EIF2B3: variants seen among roughly 807,000 people sequenced by gnomAD.
EIF2B3 encodes the protein eukaryotic translation initiation factor 2B subunit gamma, also known as translation initiation factor eIF2B subunit gamma.
Under a neutral mutation model 54.1 loss-of-function variants are expected in EIF2B3, and 20 were observed. That is an observed-to-expected ratio of 0.37 (90% CI 0.26 to 0.54). The LOEUF is 0.54. Among genes scored for constraint, EIF2B3 ranks in the 20% least tolerant of loss-of-function variants. The probability of loss-of-function intolerance (pLI) is 0.86; values close to 1 mark genes in which losing one functional copy is unlikely to be tolerated. For missense variants in EIF2B3, 448 were observed against 547.8 expected, an observed-to-expected ratio of 0.82 and a Z score of 1.82; for synonymous variants, 153 against 188.1, an observed-to-expected ratio of 0.81 and a Z score of 1.52.
intron 10 of EIF2B3, among the ~76,000 whole-genome samples, chr1:44,873,168 A>C (rs1420014493): frequency 6.6e-6 from 1 of 152,208 alleles, no homozygotes; most frequent in African/African-American, 2.4e-5. Flanking sequence ...GCGTACCACA[A>C]AACTCTGGAT....
In EIF2B3 at chr1:44,941,682, G is replaced by T; in HGVS notation, c.295-17C>A. Reference sequence around the variant, plus strand: ...CACATCTGTCTGTTAAATGGAGATGGGAAAAGTCAATATCATAAAGGACAA... The same window carrying T: ...CACATCTGTCTGTTAAATGGAGATGTGAAAAGTCAATATCATAAAGGACAA... On this transcript the variant is annotated splice_polypyrimidine_tract_variant and intron_variant, in intron 3 of 11. Transcript: ENST00000360403. The T allele has an allele frequency of 6.2e-7, 1 of 1,613,906 alleles. No homozygotes were observed. The highest frequency in any genetic ancestry group is 8.5e-7 in the Non-Finnish European group (1 of 1,179,962).
intron 6 of EIF2B3, among the ~76,000 whole-genome samples, chr1:44,894,337 C>T (rs1315057819): frequency 2.0e-5 from 3 of 152,148 alleles, no homozygotes; most frequent in African/African-American, 4.8e-5. Flanking sequence ...AAAGAGAGTA[C>T]AGATTTTCTT....
intron 6 of EIF2B3, among the ~76,000 whole-genome samples, chr1:44,885,232 G>A (rs918442623): frequency 6.6e-5 from 10 of 151,982 alleles, no homozygotes; most frequent in African/African-American, 2.4e-4. Flanking sequence ...TTGACTACTA[G>A]CAAACAATCC....
chr1:44,911,773 T>G (rs988746395), intron 5 of EIF2B3, among the ~76,000 whole-genome samples: 5 of 152,014 alleles, frequency 3.3e-5, no homozygotes, highest in African/African-American at 1.2e-4. Flanking sequence ...TAGTTACATA[T>G]GTATACATGT....
At chr1:44,958,949 C>T (rs574440052) in intron 3 of EIF2B3, 7 of 779,890 alleles carry the variant, frequency 9.0e-6, no homozygotes, top group South Asian at 7.1e-5. Flanking sequence ...AAATACAAAG[C>T]GAGGATGTAG....
intron 6 of EIF2B3, among the ~76,000 whole-genome samples, chr1:44,889,767 G>T (rs190839282): frequency 2.0e-5 from 3 of 152,122 alleles, no homozygotes; most frequent in Admixed American, 2.0e-4. Context: ...GACCTCCAGT[G>T]ATCCACCTGC....
intron 10 of EIF2B3, among the ~76,000 whole-genome samples, chr1:44,871,023 G>A (rs972315956): frequency 6.6e-6 from 1 of 152,148 alleles, no homozygotes; most frequent in Non-Finnish European, 1.5e-5. Context: ...CTCCAGCCCT[G>A]TAGATCAAGG....
At position 44,959,967 on chromosome 1, in the gene EIF2B3, T is replaced by C. The variant is rs191473201; in HGVS notation, c.295-18302A>G. ...GTAAGTGTGTTAATTTACACTGATA[T>C]TTTGCTGTATTTGCCAGTATGTTTA... is the stretch of plus-strand genomic sequence containing the variant. On this transcript the variant is annotated intron_variant, in intron 3 of 11. Transcript: ENST00000360403. Among the ~76,000 whole-genome samples, 8 of 152,360 alleles carry C rather than the reference T, an allele frequency of 5.3e-5. No individual in the cohort carries two copies. In the East Asian group the frequency reaches 1.3e-3, roughly 26 times the overall value.
At chr1:44,888,854 A>G (rs1655695437) in intron 6 of EIF2B3, among the ~76,000 whole-genome samples, 1 of 152,214 alleles carries the variant, frequency 6.6e-6, no homozygotes, top group Admixed American at 6.5e-5. Flanking sequence ...CTTCCAGGGA[A>G]CAGGAATTCT....
chr1:44,927,845 A>G (rs1281146758), intron 4 of EIF2B3, among the ~76,000 whole-genome samples: 5 of 152,088 alleles, frequency 3.3e-5, no homozygotes, highest in Admixed American at 2.0e-4. Context: ...TGTATGCATT[A>G]TATATATTGA....
chr1:44,918,968 T>C (rs1355025710), intron 5 of EIF2B3, among the ~76,000 whole-genome samples: 1 of 152,226 alleles, frequency 6.6e-6, no homozygotes, highest in Non-Finnish European at 1.5e-5. Context: ...GCTTCCAACA[T>C]ACTAACCTCA....
intron 3 of EIF2B3, among the ~76,000 whole-genome samples, chr1:44,967,109 C>T (rs1027944535): frequency 2.0e-5 from 3 of 151,584 alleles, no homozygotes; most frequent in African/African-American, 7.3e-5. Context: ...ACACCATGCC[C>T]GGCCTTCCAT....
intron 10 of EIF2B3, chr1:44,863,069 C>T (rs748191126): frequency 6.6e-6 from 1 of 152,194 alleles, no homozygotes; most frequent in Non-Finnish European, 1.5e-5. Flanking sequence ...AGAGAATATT[C>T]GGCAAAGAGC....
chr1:44,945,045 T>C (rs1644081753), intron 3 of EIF2B3, among the ~76,000 whole-genome samples: 1 of 152,082 alleles, frequency 6.6e-6, no homozygotes, highest in Admixed American at 6.6e-5. Flanking sequence ...GACTCAACCA[T>C]CAGAATGCCT....
rs554411065 is a variant in EIF2B3, at chr1:44,914,263, T to G, written c.566+12365A>C. On this transcript the variant is annotated intron_variant, in intron 5 of 11. Transcript: ENST00000360403. The stretch of plus-strand genomic sequence containing the variant: ...GCAACCTCCGCCTCCCAGGTTCAAG[T>G]GATTCTCCTGCCTCAGCCTCCCAAG... 2.2e-4 allele frequency among the ~76,000 whole-genome samples: 34 copies of G among 151,428 alleles called. No individual in the cohort carries two copies. The South Asian group carries it at 6.7e-3, about 30-fold the overall frequency.
At chr1:44,920,034 CTTTCT>C (rs1416807145) in intron 5 of EIF2B3, among the ~76,000 whole-genome samples, 1 of 145,280 alleles carries the variant, frequency 6.9e-6, no homozygotes, top group Non-Finnish European at 1.5e-5. Context: ...TGTCCTTTTT[CTTTCT>C]TTTTTTTTTT....
At chr1:44,943,919 C>T (rs1380801950) in intron 3 of EIF2B3, among the ~76,000 whole-genome samples, 1 of 151,726 alleles carries the variant, frequency 6.6e-6, no homozygotes, top group Non-Finnish European at 1.5e-5. Flanking sequence ...CCAAGGTGGG[C>T]GGAGTGCCTG....
chr1:44,935,946 T>G (rs1283818679), intron 4 of EIF2B3, among the ~76,000 whole-genome samples: 1 of 151,964 alleles, frequency 6.6e-6, no homozygotes, highest in Non-Finnish European at 1.5e-5. Flanking sequence ...TTTTGGTTTT[T>G]TTTTTTTTCT....
At chr1:44,962,653 G>A (rs191690478) in intron 3 of EIF2B3, among the ~76,000 whole-genome samples, 1 of 152,274 alleles carries the variant, frequency 6.6e-6, no homozygotes, top group Non-Finnish European at 1.5e-5. Flanking sequence ...GGGCTCAAGT[G>A]ATCCTCCTGC....
Sources: allele counts gnomAD v4.1 joint callset (sites outside exome capture counted in the v4.1 genomes callset), GRCh38; gene constraint gnomAD v4.1.1; transcripts MANE v1.5; gene names NCBI Gene and HGNC (gene_info 2026-07-23, HGNC 2026-07-21).